Variants in N4BP3 observed in about 807,000 individuals in gnomAD.
The protein encoded by N4BP3 is NEDD4-binding protein 3.
N4BP3 carries 33 observed loss-of-function variants against 43.8 expected under a neutral mutation model. The ratio of observed to expected loss-of-function variants is 0.75; its 90% CI spans 0.57 to 1.01. The LOEUF (loss-of-function observed/expected upper bound fraction) is 1.01, where lower values mean the gene tolerates loss of function less well. N4BP3 is among the 50% of genes least tolerant of loss of function. The pLI is 0.00. For synonymous variants in N4BP3, 326 were observed against 321.9 expected, an observed-to-expected ratio of 1.01 and a Z score of -0.14; for missense variants, 756 against 744.2, an observed-to-expected ratio of 1.02 and a Z score of -0.18.
At chr5:178,115,243 G>T (rs979275697) in intron 1 of N4BP3, among the ~76,000 whole-genome samples, 14 of 152,190 alleles carry the variant, frequency 9.2e-5, no homozygotes, top group African/African-American at 3.1e-4. Flanking sequence ...CACCACTTCC[G>T]CAGGCTTTAG....
At chr5:178,120,830 GCTTC>G (rs1216785453) in intron 3 of N4BP3, 131 bp downstream of exon 3, 1 of 1,311,888 alleles carries the variant, frequency 7.6e-7, no homozygotes, top group Non-Finnish European at 1.0e-6. Flanking sequence ...AGCTGGCTTG[GCTTC>G]CTTCCTCTGC....
In N4BP3 at chr5:178,121,974, TC is replaced by T; in HGVS notation, c.1612del (p.Arg538GlyfsTer14). 6.2e-7 allele frequency: 1 copy of T among 1,602,862 alleles called. No individual in the cohort carries two copies. The highest frequency in any genetic ancestry group is 8.5e-7 in the Non-Finnish European group (1 of 1,174,762). On this transcript the variant is annotated frameshift_variant, in exon 5 of 5. Coordinates refer to ENST00000274605, the MANE Select transcript of N4BP3 (RefSeq NM_015111.2). LOFTEE classifies it high-confidence loss of function. ...TGCGGGAGCCCCCCACACCCTGGAG[TC>T]CCCGGCTCGAGTCCTCCAAGATCTG... is the stretch of plus-strand genomic sequence containing the variant. ...ALREPPTPWSPRLESSKI is the reference protein window; with the variant it reads ...ALREPPTPWSXRLESSKI
Position 178,118,935 on chromosome 5 carries a change from G to A in N4BP3, c.-30-619G>A, listed in dbSNP as rs1442212849. 2.0e-5 allele frequency among the ~76,000 whole-genome samples: 3 copies of A among 150,628 alleles called. No individual in the cohort carries two copies. Among genetic ancestry groups the A allele is most frequent in the Admixed American group, 6.6e-5 (1 of 15,084 alleles). On this transcript the variant is annotated intron_variant, in intron 1 of 4. Transcript: ENST00000274605. This position sits in a 1 kb window ranked among gnomAD's most constrained non-coding sequence, Gnocchi z 5.4. Reference sequence around the variant, plus strand: ...TGCTGGAGTGCAGTGGTGCGATCTCGGCTCACTGCAAGCTCTGCCTCCCAG... The same window carrying A: ...TGCTGGAGTGCAGTGGTGCGATCTCAGCTCACTGCAAGCTCTGCCTCCCAG...
At chr5:178,115,235 C>G (rs1757745549) in intron 1 of N4BP3, among the ~76,000 whole-genome samples, 2 of 152,250 alleles carry the variant, frequency 1.3e-5, no homozygotes, top group African/African-American at 4.8e-5. Flanking sequence ...ATACTAAGCA[C>G]CACTTCCGCA....
intron 1 of N4BP3, among the ~76,000 whole-genome samples, chr5:178,117,943 G>A (rs1157253571): frequency 8.5e-5 from 13 of 152,172 alleles, no homozygotes; most frequent in Admixed American, 8.5e-4. Flanking sequence ...AAATGGTTGA[G>A]GAAGATGGAA....
At position 178,120,601 on chromosome 5, in the gene N4BP3, T is replaced by A; in HGVS notation, c.754T>A (p.Cys252Ser). The change falls in exon 3 of 5, where the codon TGC (cysteine) becomes AGC (serine). Residue 252 changes from cysteine to serine, a missense_variant. By Grantham distance (112) the Cys-to-Ser change is moderately radical. Transcript: ENST00000274605. ...PEPPPPYEFS[C>S]SSAEEMGAVL... ...GCCACCACCCCCCTACGAGTTCTCCTGCTCCTCTGCCGAGGAAATGGGAGC... is the reference window on the plus strand; with the variant it reads ...GCCACCACCCCCCTACGAGTTCTCCAGCTCCTCTGCCGAGGAAATGGGAGC... 6.2e-7 allele frequency: 1 copy of A among 1,612,216 alleles called. No individual in the cohort carries two copies. The highest frequency in any genetic ancestry group is 8.5e-7 in the Non-Finnish European group (1 of 1,179,994).
chr5:178,122,214 G>T lies in N4BP3; in HGVS notation c.*213G>T, dbSNP rs1173714576. 5 of 582,682 alleles carry T rather than the reference G, an allele frequency of 8.6e-6. No homozygotes were observed. The highest frequency in any genetic ancestry group is 1.5e-5 in the Non-Finnish European group (5 of 338,748). 36.1% of individuals were successfully genotyped at this position (582,682 alleles called of 1,614,324 possible). A position where few individuals can be genotyped will look rare whatever the true frequency, so the allele number is the denominator to read the frequency against. ...GGCCCTCCTGGCAGAGGAGCACCTA[G>T]GCAGGGCCCAGCCCTGCTTCCTGGA... On this transcript the variant is annotated 3_prime_UTR_variant, in exon 5 of 5. Transcript: ENST00000274605.
Position 178,121,740 on chromosome 5 carries a change from C to T in N4BP3, c.1374C>T (p.Gly458=). Residue 458 remains glycine (G), a synonymous_variant, in exon 5 of 5, where the codon GGC becomes GGT. Coordinates refer to ENST00000274605, the MANE Select transcript of N4BP3 (RefSeq NM_015111.2). ...KSRGLLGEAG[G]SEARDSAEQL... ...GGGGCCTGCTAGGGGAGGCAGGAGG[C>T]AGCGAGGCCAGAGACAGTGCTGAGC... 1 of 1,607,680 alleles carries T rather than the reference C, an allele frequency of 6.2e-7. No homozygotes were observed.
chr5:178,120,966 T>C (rs957672757), intron 3 of N4BP3, 132 bp from the exon 4 acceptor site: 51 of 1,315,474 alleles, frequency 3.9e-5, no homozygotes, highest in Non-Finnish European at 5.1e-5. Flanking sequence ...GCATCCCGGG[T>C]TAAAGCGCAT....
chr5:178,115,192 G>C (rs767126122), intron 1 of N4BP3, among the ~76,000 whole-genome samples: 12 of 152,206 alleles, frequency 7.9e-5, no homozygotes, highest in Non-Finnish European at 1.8e-4. Flanking sequence ...AAAAACTGTA[G>C]ACTGCGGTGC....
At chr5:178,120,972 C>T (rs1485127315) in intron 3 of N4BP3, 126 bp from the exon 4 acceptor site, 49 of 1,332,490 alleles carry the variant, frequency 3.7e-5, no homozygotes, top group Non-Finnish European at 4.5e-5. Flanking sequence ...CGGGTTAAAG[C>T]GCATGTGTGG....
Position 178,124,714 on chromosome 5 carries a change from A to G in N4BP3, c.*2713A>G, listed in dbSNP as rs572027597. The stretch of plus-strand genomic sequence containing the variant: ...GTCCATCCCTTCAGGCTTCTGACAC[A>G]CTAGTGGCCTCGAGTCACTGATAGT... On this transcript the variant is annotated 3_prime_UTR_variant, in exon 5 of 5. Coordinates refer to ENST00000274605, the MANE Select transcript of N4BP3 (RefSeq NM_015111.2). The G allele has an allele frequency of 2.0e-5, 3 of 152,720 alleles. No homozygotes were observed. The highest frequency in any genetic ancestry group is 7.2e-5 in the African/African-American group (3 of 41,536). 9.5% of individuals were successfully genotyped at this position (152,720 alleles called of 1,614,324 possible).
chr5:178,116,639 T>G (rs1379066543), intron 1 of N4BP3, among the ~76,000 whole-genome samples: 1 of 152,146 alleles, frequency 6.6e-6, no homozygotes, highest in Non-Finnish European at 1.5e-5. Context: ...TGCTGCTGGG[T>G]GGGGCTGACA....
In N4BP3 at chr5:178,121,604, A is replaced by G. The variant is rs1255562489; in HGVS notation, c.1238A>G (p.Gln413Arg). 6.2e-7 allele frequency: 1 copy of G among 1,613,178 alleles called. No homozygotes were observed. Among genetic ancestry groups the G allele is most frequent in the Non-Finnish European group, 8.5e-7 (1 of 1,179,956 alleles). The change falls in exon 5 of 5, where the codon CAG becomes CGG. Residue 413 changes from glutamine to arginine, a missense_variant. Coordinates refer to ENST00000274605, the MANE Select transcript of N4BP3 (RefSeq NM_015111.2). ...CTTCGGGGCAGCCGGGCACAAGCCC[A>G]GGCTCAGGACGCAGAGCTGGTCCGG... ...TQLRGSRAQA[Q>R]AQDAELVRLR...
At chr5:178,115,716 G>A (rs966391567) in intron 1 of N4BP3, among the ~76,000 whole-genome samples, 8 of 152,220 alleles carry the variant, frequency 5.3e-5, no homozygotes, top group Admixed American at 2.6e-4. Context: ...GCCCTTTGGC[G>A]TGACCCAAAA....
In N4BP3 at chr5:178,125,594, A is replaced by C. The variant is rs1758043060; in HGVS notation, c.*3593A>C. On this transcript the variant is annotated 3_prime_UTR_variant, in exon 5 of 5. Transcript: ENST00000274605. The stretch of plus-strand genomic sequence containing the variant: ...ATCCATATTGGATTCAGAAAAGAAA[A>C]AGAATGATGCTTCTTGCAACAAAAA... 6.6e-6 allele frequency: 1 copy of C among 152,272 alleles called. No individual in the cohort carries two copies. 9.4% of individuals were successfully genotyped at this position (152,272 alleles called of 1,614,324 possible).
At position 178,118,563 on chromosome 5, in the gene N4BP3, C is replaced by G. The variant is rs1260445684; in HGVS notation, c.-30-991C>G. Among the ~76,000 whole-genome samples the G allele has an allele frequency of 2.0e-5, 3 of 152,176 alleles. No homozygotes were observed. The highest frequency in any genetic ancestry group is 4.4e-5 in the Non-Finnish European group (3 of 68,038). ...AGCTGCCCCTTCCCTCCTCCACCCA[C>G]CACTGCCCAGACGGGAACACCTGTC... On this transcript the variant is annotated intron_variant, in intron 1 of 4. Coordinates refer to ENST00000274605, the MANE Select transcript of N4BP3 (RefSeq NM_015111.2). The surrounding 1 kb of genome is among the most constrained non-coding windows in gnomAD (Gnocchi z 5.4).
At position 178,125,848 on chromosome 5, in the gene N4BP3, C is replaced by T. The variant is rs1375833140; in HGVS notation, c.*3847C>T. 1.3e-5 allele frequency: 2 copies of T among 152,102 alleles called. No individual in the cohort carries two copies. Among genetic ancestry groups the T allele is most frequent in the Non-Finnish European group, 1.5e-5 (1 of 68,038 alleles). 9.4% of individuals were successfully genotyped at this position (152,102 alleles called of 1,614,324 possible). Reference sequence around the variant, plus strand: ...GTCCACCCCCCGCCCCACCCCAGCCCCTGGCAACCACTGATCTGCTTTCAC... The same window carrying T: ...GTCCACCCCCCGCCCCACCCCAGCCTCTGGCAACCACTGATCTGCTTTCAC... On this transcript the variant is annotated 3_prime_UTR_variant, in exon 5 of 5. Transcript: ENST00000274605.
rs757401509 is a variant in N4BP3 at position 178,120,547 on chromosome 5, C to G, written c.700C>G (p.Pro234Ala). 3 of 1,612,954 alleles carry G rather than the reference C, an allele frequency of 1.9e-6. No homozygotes were observed. In the African/African-American group the frequency reaches 4.0e-5, roughly 22 times the overall value. Residue 234 changes from proline to alanine, a missense_variant, in exon 3 of 5, where the codon CCA (proline) becomes GCA (alanine). By Grantham distance (27) the Pro-to-Ala change is conservative (BLOSUM62 -1). Coordinates refer to ENST00000274605, the MANE Select transcript of N4BP3 (RefSeq NM_015111.2). The part of the protein sequence containing the change: ...RASQGPKEAG[P>A]PAVLSCLPEP... ...CTCTCAAGGACCCAAGGAGGCTGGGCCACCAGCTGTGCTGAGCTGCCTGCC... is the reference window on the plus strand; with the variant it reads ...CTCTCAAGGACCCAAGGAGGCTGGGGCACCAGCTGTGCTGAGCTGCCTGCC...
Sources: gnomAD v4.1 joint callset for allele counts (sites outside exome capture counted in the v4.1 genomes callset) on GRCh38, gnomAD v4.1.1 for gene constraint, Gnocchi (gnomAD v3.1) non-coding constraint, MANE v1.5 for transcripts, NCBI Gene and HGNC (gene_info 2026-07-23, HGNC 2026-07-21) for gene names.